DCC: variants seen among roughly 807,000 people sequenced by gnomAD.
The protein encoded by DCC is DCC netrin 1 receptor.
A neutral mutation model predicts 172.5 loss-of-function variants in DCC; 58 were observed. The observed-to-expected ratio is 0.34, with a 90% confidence interval of 0.27 to 0.42. The LOEUF (loss-of-function observed/expected upper bound fraction) is 0.42. DCC is among the 10% of genes least tolerant of loss of function. DCC has a pLI of 1.00. For synonymous variants in DCC, 709 were observed against 644.5 expected (o/e 1.10, Z -1.52); for missense variants, 1,740 against 1,791.0 (o/e 0.97, Z 0.51).
rs141073355 is a variant in DCC at position 53,005,650 on chromosome 18, C to T, written c.986-57655C>T. Among the ~76,000 whole-genome samples, 450 of 152,254 alleles carry T rather than the reference C, an allele frequency of 3.0e-3. 1 individual carries two copies. The highest frequency in any genetic ancestry group is 4.7e-3 in the Non-Finnish European group (318 of 68,018). On this transcript the variant is annotated intron_variant, in intron 5 of 28. Transcript: ENST00000442544. ...GACTGAGCCAGGAGAATCGATTGAA[C>T]CCCAGAGGTGGAGCTTGCAGTGAGC...
intron 1 of DCC, among the ~76,000 whole-genome samples, chr18:52,415,525 G>C (rs188050968): frequency 6.6e-6 from 1 of 152,164 alleles, no homozygotes; most frequent in Non-Finnish European, 1.5e-5. Context: ...TTGCCCTCAA[G>C]GAGTTTGTAA....
intron 7 of DCC, among the ~76,000 whole-genome samples, chr18:53,095,053 G>A (rs1300944089): frequency 6.6e-6 from 1 of 152,148 alleles, no homozygotes; most frequent in Non-Finnish European, 1.5e-5. Context: ...ATTACAGTTG[G>A]CAACAGAAGT....
chr18:52,432,394 G>A (rs1444067051), intron 1 of DCC, among the ~76,000 whole-genome samples: 1 of 152,124 alleles, frequency 6.6e-6, no homozygotes, highest in Non-Finnish European at 1.5e-5. Context: ...TTTGATGTAT[G>A]TTATATTCCT....
At chr18:52,847,851 T>G (rs1029347145) in intron 2 of DCC, among the ~76,000 whole-genome samples, 2 of 152,188 alleles carry the variant, frequency 1.3e-5, no homozygotes, top group East Asian at 1.9e-4. Context: ...CTTGTAACTT[T>G]GAGTAGGTCA....
chr18:53,084,453 CTTT>C (rs1405175832), intron 7 of DCC, among the ~76,000 whole-genome samples: 1 of 152,148 alleles, frequency 6.6e-6, no homozygotes, highest in Non-Finnish European at 1.5e-5. Context: ...AGTACCTATA[CTTT>C]TTTATTTTTT....
At chr18:53,265,549 C>T (rs910203292) in intron 12 of DCC, among the ~76,000 whole-genome samples, 1 of 152,112 alleles carries the variant, frequency 6.6e-6, no homozygotes, top group Non-Finnish European at 1.5e-5. Context: ...TTTCCGTTTC[C>T]CTGTTAGTTT....
intron 2 of DCC, among the ~76,000 whole-genome samples, chr18:52,837,792 T>A (rs2038733681): frequency 2.0e-5 from 3 of 152,192 alleles, no homozygotes; most frequent in African/African-American, 7.2e-5. Context: ...ATTAGTCCAT[T>A]CTCATGCTTC....
At chr18:52,402,635 G>A (rs758096068) in intron 1 of DCC, among the ~76,000 whole-genome samples, 34 of 151,930 alleles carry the variant, frequency 2.2e-4, no homozygotes, top group East Asian at 3.9e-4. Context: ...TTTAGATGTC[G>A]CATTTTAAAT....
At chr18:53,271,540 G>A (rs1469721624) in intron 12 of DCC, among the ~76,000 whole-genome samples, 1 of 152,158 alleles carries the variant, frequency 6.6e-6, no homozygotes, top group Non-Finnish European at 1.5e-5. Flanking sequence ...GCTGTTGGCA[G>A]GCCCCAGGTA....
At chr18:52,532,588 C>T (rs188529860) in intron 1 of DCC, among the ~76,000 whole-genome samples, 1 of 152,284 alleles carries the variant, frequency 6.6e-6, no homozygotes, top group Admixed American at 6.5e-5. Context: ...GAGAAACGTG[C>T]ATCACCATTG....
chr18:52,594,366 T>C, intron 1 of DCC, among the ~76,000 whole-genome samples: 1 of 152,192 alleles, frequency 6.6e-6, no homozygotes, highest in South Asian at 2.1e-4. Flanking sequence ...AAGCCCAGTA[T>C]CCCTGAGTCC....
At chr18:53,004,744 T>C (rs757526185) in intron 5 of DCC, among the ~76,000 whole-genome samples, 2 of 152,130 alleles carry the variant, frequency 1.3e-5, no homozygotes, top group African/African-American at 2.4e-5. Flanking sequence ...TTATGTGTGA[T>C]TCCCTGTGCC....
At chr18:52,808,743 C>T (rs968774287) in intron 2 of DCC, among the ~76,000 whole-genome samples, 1 of 152,150 alleles carries the variant, frequency 6.6e-6, no homozygotes, top group Non-Finnish European at 1.5e-5. Flanking sequence ...ATGATTGATT[C>T]TGCTGGGTAA....
chr18:52,642,062 GTATA>G (rs1171594177), intron 1 of DCC, among the ~76,000 whole-genome samples: 1 of 5,550 alleles, frequency 1.8e-4, no homozygotes, highest in African/African-American at 3.5e-4. Flanking sequence ...GTGTGTGTGT[GTATA>G]TATATATATA....
chr18:53,128,856 CACACACACACACACATAT>C (rs2043605674), intron 7 of DCC, among the ~76,000 whole-genome samples: 3 of 74,890 alleles, frequency 4.0e-5, no homozygotes, highest in Non-Finnish European at 5.2e-5. Flanking sequence ...CACACACACA[CACACACACACACACATAT>C]ATATATATAT....
intron 8 of DCC, among the ~76,000 whole-genome samples, chr18:53,167,520 T>A (rs183372155): frequency 4.6e-4 from 70 of 152,266 alleles, no homozygotes; most frequent in African/African-American, 1.6e-3. Context: ...AGGAATAGAA[T>A]CCAATTTTCT....
At chr18:52,945,161 A>G (rs1417008574) in intron 5 of DCC, among the ~76,000 whole-genome samples, 2 of 152,236 alleles carry the variant, frequency 1.3e-5, no homozygotes, top group South Asian at 4.1e-4. Context: ...ATAATTTGAC[A>G]ATTATGCCCC....
intron 12 of DCC, among the ~76,000 whole-genome samples, chr18:53,304,502 A>G (rs954288994): frequency 3.3e-5 from 5 of 152,060 alleles, no homozygotes; most frequent in Non-Finnish European, 7.4e-5. Context: ...CATATCTTTG[A>G]TTTACTTACT....
intron 5 of DCC, among the ~76,000 whole-genome samples, chr18:53,011,233 T>A (rs1022298471): frequency 6.6e-6 from 1 of 151,632 alleles, no homozygotes; most frequent in Non-Finnish European, 1.5e-5. Flanking sequence ...GCTAATATAC[T>A]CAAAGATATC....
Sources: allele counts gnomAD v4.1 joint callset (sites outside exome capture counted in the v4.1 genomes callset), GRCh38; gene constraint gnomAD v4.1.1; transcripts MANE v1.5; gene names NCBI Gene and HGNC (gene_info 2026-07-23, HGNC 2026-07-21).